The following DMD variants were observed in gnomAD, a reference collection of about 807,000 sequenced individuals.
The protein encoded by DMD is dystrophin.
DMD carries 63 observed loss-of-function variants against 330.1 expected under a neutral mutation model. The observed-to-expected ratio is 0.19, with a 90% confidence interval of 0.16 to 0.24. The LOEUF is 0.24. DMD is among the 10% of genes least tolerant of loss of function. The probability of loss-of-function intolerance (pLI) is 1.00; values close to 1 mark genes in which losing one functional copy is unlikely to be tolerated. For missense variants in DMD, 3,344 were observed against 2,684.1 expected, an observed-to-expected ratio of 1.25 and a Z score of -5.43; for synonymous variants, 1,223 against 959.8, an observed-to-expected ratio of 1.27 and a Z score of -5.07.
At chrX:33,265,816 C>T in intron 1 of DMD, among the ~76,000 whole-genome samples, 1 of 111,566 alleles carries the variant, frequency 9.0e-6, no homozygotes, top group East Asian at 2.8e-4. Flanking sequence ...GCTTTATCAG[C>T]AACATAGCTT....
chrX:32,679,412 G>C lies in DMD; in HGVS notation c.960+18458C>G, dbSNP rs774067284. On this transcript the variant is annotated intron_variant, in intron 9 of 78. Coordinates refer to ENST00000357033, the MANE Select transcript of DMD (RefSeq NM_004006.3). ...TTCCACAATATGCAATTCAGATTTA[G>C]TAAAGAACATTTACTGAATGGAAAT... Among the ~76,000 whole-genome samples, 3 of 111,080 alleles carry C rather than the reference G, an allele frequency of 2.7e-5. No homozygotes were observed. The Admixed American group carries it at 2.9e-4, about 11-fold the overall frequency.
At chrX:32,800,297 G>A (rs188822290) in intron 7 of DMD, among the ~76,000 whole-genome samples, 5 of 111,796 alleles carry the variant, frequency 4.5e-5, no homozygotes, top group African/African-American at 9.7e-5. Flanking sequence ...TAAATCTATC[G>A]AAGAGAGTGT....
At chrX:32,573,420 C>G in intron 15 of DMD, 110 bp downstream of exon 15, 1 of 637,963 alleles carries the variant, frequency 1.6e-6, no homozygotes. Flanking sequence ...AATCTATGAT[C>G]CAAGCAAAAA....
intron 7 of DMD, among the ~76,000 whole-genome samples, chrX:32,783,107 C>T (rs1408225641): frequency 2.0e-5 from 2 of 98,777 alleles, no homozygotes; most frequent in Admixed American, 1.1e-4. Flanking sequence ...TGTATATATA[C>T]ACACACACCA....
intron 17 of DMD, among the ~76,000 whole-genome samples, chrX:32,541,564 C>A (rs1238090425): frequency 8.9e-6 from 1 of 111,977 alleles, no homozygotes. Flanking sequence ...TTCACAAATA[C>A]CACAGGTTCT....
chrX:33,066,159 G>A (rs1462529822), intron 1 of DMD, among the ~76,000 whole-genome samples: 3 of 109,766 alleles, frequency 2.7e-5, no homozygotes, highest in Admixed American at 9.8e-5. Flanking sequence ...TCTAGGAAAC[G>A]AGAGTAATAA....
At chrX:32,246,524 T>C (rs368335246) in intron 43 of DMD, among the ~76,000 whole-genome samples, 3,989 of 71,340 alleles carry the variant, frequency 0.056, 182 homozygotes, top group Non-Finnish European at 0.082. Context: ...ATTGGAATAG[T>C]TTCAGAAGGA....
chrX:33,126,419 G>T (rs1306335087), intron 1 of DMD, among the ~76,000 whole-genome samples: 1 of 111,298 alleles, frequency 9.0e-6, no homozygotes, highest in Non-Finnish European at 1.9e-5. Flanking sequence ...AAATGCAGAG[G>T]TTGGGGCCCC....
intron 55 of DMD, among the ~76,000 whole-genome samples, chrX:31,542,248 G>C (rs2073873544): frequency 1.8e-5 from 2 of 111,943 alleles, no homozygotes; most frequent in South Asian, 7.5e-4. Flanking sequence ...CTAAAATAAG[G>C]CATGCTTAAA....
chrX:31,715,467 C>T (rs971493866), intron 52 of DMD, among the ~76,000 whole-genome samples: 14 of 96,317 alleles, frequency 1.5e-4, no homozygotes, highest in African/African-American at 3.9e-4. Context: ...GGCGTGAACC[C>T]GGGAGGCGGA....
intron 12 of DMD, among the ~76,000 whole-genome samples, chrX:32,612,115 C>A (rs2057224809): frequency 9.0e-6 from 1 of 111,293 alleles, no homozygotes; most frequent in Admixed American, 9.6e-5. Context: ...AGCACGGGGA[C>A]GTTCAGGAAG....
intron 42 of DMD, among the ~76,000 whole-genome samples, chrX:32,301,372 A>C (rs1216243605): frequency 9.1e-6 from 1 of 110,461 alleles, no homozygotes; most frequent in Non-Finnish European, 1.9e-5. Context: ...GGTTTGGCAA[A>C]TTAAATTTGG....
chrX:33,305,518 G>A (rs1258832344), intron 1 of DMD, among the ~76,000 whole-genome samples: 3 of 102,886 alleles, frequency 2.9e-5, no homozygotes, highest in East Asian at 3.1e-4. Flanking sequence ...GTATACATAC[G>A]TAACTAACCT....
chrX:32,191,613 A>G (rs1350563794), intron 44 of DMD, among the ~76,000 whole-genome samples: 1 of 111,365 alleles, frequency 9.0e-6, no homozygotes, highest in Non-Finnish European at 1.9e-5. Flanking sequence ...ATTGTCCCTC[A>G]GTATCCATGG....
chrX:32,444,428 T>A (rs2098295259), intron 27 of DMD, among the ~76,000 whole-genome samples: 1 of 110,099 alleles, frequency 9.1e-6, no homozygotes, highest in East Asian at 2.9e-4. Context: ...AATAAACAAA[T>A]AAACAAACAA....
chrX:32,200,432 T>C (rs1240007323), intron 44 of DMD, among the ~76,000 whole-genome samples: 3 of 103,256 alleles, frequency 2.9e-5, no homozygotes, highest in Non-Finnish European at 5.9e-5. Context: ...TATGCATGTG[T>C]GTAATGCAAG....
intron 55 of DMD, among the ~76,000 whole-genome samples, chrX:31,610,187 C>A (rs2077832344): frequency 9.0e-6 from 1 of 110,916 alleles, no homozygotes; most frequent in Non-Finnish European, 1.9e-5. Flanking sequence ...TAATCACATT[C>A]ATAAGTCAAT....
At chrX:31,962,903 C>T (rs1344865333) in intron 45 of DMD, among the ~76,000 whole-genome samples, 1 of 111,292 alleles carries the variant, frequency 9.0e-6, no homozygotes, top group Non-Finnish European at 1.9e-5. Flanking sequence ...CTGGTTCACA[C>T]GGATATACTG....
chrX:32,472,171 T>C lies in DMD; in HGVS notation c.2942A>G (p.Glu981Gly), dbSNP rs1557374492. Residue 981 changes from glutamate (E) to glycine (G), a missense_variant, in exon 22 of 79, where the codon GAA becomes GGA. By Grantham distance (98) the Glu-to-Gly change is moderately conservative. Transcript: ENST00000357033. Reference protein sequence around the residue: ...DYEIMEQRLGELQALQSSLQE... With the variant: ...DYEIMEQRLGGLQALQSSLQE... ...ATTCAAATATTCACAGACCTGCAAT[T>C]CCCCGAGTCTCTGCTCCATGATTTC... is the stretch of plus-strand genomic sequence containing the variant. The C allele has an allele frequency of 2.5e-6, 3 of 1,211,241 alleles. No individual in the cohort carries two copies. Among genetic ancestry groups the C allele is most frequent in the Non-Finnish European group, 3.4e-6 (3 of 895,211 alleles).
Sources: gnomAD v4.1 joint callset for allele counts (sites outside exome capture counted in the v4.1 genomes callset) on GRCh38, gnomAD v4.1.1 for gene constraint, MANE v1.5 for transcripts, NCBI Gene and HGNC (gene_info 2026-07-23, HGNC 2026-07-21) for gene names.